The following PLEKHA5 variants were observed in gnomAD, a reference collection of about 807,000 sequenced individuals.
The protein encoded by PLEKHA5 is pleckstrin homology domain-containing family A member 5.
A neutral mutation model predicts 181.9 loss-of-function variants in PLEKHA5; 55 were observed. The observed-to-expected ratio is 0.30, with a 90% confidence interval of 0.24 to 0.38. PLEKHA5 has a LOEUF of 0.38. PLEKHA5 is among the 10% of genes least tolerant of loss of function. The probability of loss-of-function intolerance (pLI) is 1.00; values close to 1 mark genes in which losing one functional copy is unlikely to be tolerated. For synonymous variants in PLEKHA5, 535 were observed against 529.4 expected (o/e 1.01, Z -0.15); for missense variants, 1,432 against 1,549.5 (o/e 0.92, Z 1.27).
chr12:19,369,380 T>A (rs2095519832), intron 30 of PLEKHA5, among the ~76,000 whole-genome samples: 1 of 151,928 alleles, frequency 6.6e-6, no homozygotes, highest in South Asian at 2.1e-4. Flanking sequence ...TATTTTATAC[T>A]GAATAATTAG....
intron 24 of PLEKHA5, 81 bp downstream of exon 24, chr12:19,347,263 CT>C (rs1289393429): frequency 6.9e-4 from 555 of 807,406 alleles, no homozygotes; most frequent in South Asian, 1.4e-3. Flanking sequence ...TACACTCAAA[CT>C]TTTTTTTTAT....
intron 8 of PLEKHA5, among the ~76,000 whole-genome samples, chr12:19,266,251 A>T: frequency 6.6e-6 from 1 of 151,470 alleles, no homozygotes; most frequent in East Asian, 1.9e-4. Flanking sequence ...AGGTGGGAGG[A>T]TCACTTGAGT....
chr12:19,322,575 A>G lies in PLEKHA5; in HGVS notation c.2356A>G (p.Asn786Asp). Reference sequence around the variant, plus strand: ...CCAAGAGATAGAAATGCATGCAGATAACCCAGCAGCCATTCAGACAGTGGT... The same window carrying G: ...CCAAGAGATAGAAATGCATGCAGATGACCCAGCAGCCATTCAGACAGTGGT... ...ASQEIEMHADNPAAIQTVVLQ... is the reference protein window; with the variant it reads ...ASQEIEMHADDPAAIQTVVLQ... The change falls in exon 20 of 32, where the codon AAC becomes GAC. Residue 786 changes from asparagine (N) to aspartate (D), a missense_variant. Around this residue, in one of 2 missense-constraint regions of PLEKHA5, gnomAD observed 1,143 missense variants for 1,168.4 expected, o/e 0.98. Transcript: ENST00000429027. The G allele has an allele frequency of 6.2e-7, 1 of 1,613,886 alleles. No homozygotes were observed. Among genetic ancestry groups the G allele is most frequent in the Non-Finnish European group, 8.5e-7 (1 of 1,179,734 alleles).
intron 26 of PLEKHA5, among the ~76,000 whole-genome samples, chr12:19,355,513 G>A (rs981523147): frequency 2.0e-5 from 3 of 151,402 alleles, no homozygotes; most frequent in African/African-American, 4.9e-5. Context: ...CACCATACTC[G>A]GCTAAATTTT....
intron 24 of PLEKHA5, among the ~76,000 whole-genome samples, chr12:19,347,910 G>A (rs553984349): frequency 1.4e-3 from 205 of 145,974 alleles, no homozygotes; most frequent in Middle Eastern, 3.7e-3. Context: ...TTTGAGACAG[G>A]GTCTCACTCT....
intron 15 of PLEKHA5, among the ~76,000 whole-genome samples, chr12:19,312,509 C>A (rs7957984): frequency 6.6e-6 from 1 of 152,076 alleles, no homozygotes; most frequent in East Asian, 1.9e-4. Context: ...GCTGCTTCAC[C>A]TTGCACTTAC....
intron 3 of PLEKHA5, among the ~76,000 whole-genome samples, chr12:19,182,942 C>T (rs2048944765): frequency 6.6e-6 from 1 of 152,102 alleles, no homozygotes; most frequent in African/African-American, 2.4e-5. Flanking sequence ...AAACGTCCCA[C>T]AAAACAAAGC....
chr12:19,335,772 C>T (rs1409062295), intron 20 of PLEKHA5, among the ~76,000 whole-genome samples: 4 of 151,888 alleles, frequency 2.6e-5, no homozygotes, highest in Non-Finnish European at 4.4e-5. Flanking sequence ...GCTAGGACCA[C>T]AGGCACAAGT....
chr12:19,298,655 C>A lies in PLEKHA5; in HGVS notation c.2037+6958C>A, dbSNP rs187981477. On this transcript the variant is annotated intron_variant, in intron 15 of 31. Transcript: ENST00000429027. The stretch of plus-strand genomic sequence containing the variant: ...AAGTGCTGGGATTACAGGTGTAAGC[C>A]ACCGCGCCTGGCCCAAAGCTTGTCA... Among the ~76,000 whole-genome samples, 307 of 152,026 alleles carry A rather than the reference C, an allele frequency of 2.0e-3. 1 individual carries two copies. Among genetic ancestry groups the A allele is most frequent in the Non-Finnish European group, 3.3e-3 (227 of 67,986 alleles).
intron 25 of PLEKHA5, among the ~76,000 whole-genome samples, chr12:19,349,706 A>ACAACAACAG (rs1241062174): frequency 6.6e-6 from 1 of 151,768 alleles, no homozygotes; most frequent in East Asian, 1.9e-4. Context: ...CAGGAGATCA[A>ACAACAACAG]CAACAACAGC....
At chr12:19,132,950 C>G (rs949742669) in intron 3 of PLEKHA5, among the ~76,000 whole-genome samples, 49 of 134,566 alleles carry the variant, frequency 3.6e-4, no homozygotes, top group African/African-American at 1.3e-3. Context: ...TTTTAGTGAA[C>G]CTTGTTCATG....
intron 3 of PLEKHA5, among the ~76,000 whole-genome samples, chr12:19,239,268 C>T (rs2062001974): frequency 6.6e-6 from 1 of 152,114 alleles, no homozygotes; most frequent in South Asian, 2.1e-4. Context: ...GCATGCCCTG[C>T]GTTGTACTCT....
In PLEKHA5 at chr12:19,184,609, T is replaced by A. The variant is rs759476920; in HGVS notation, c.227+52159T>A. Among the ~76,000 whole-genome samples, 8 of 152,216 alleles carry A rather than the reference T, an allele frequency of 5.3e-5. 1 individual carries two copies. Among genetic ancestry groups the A allele is most frequent in the Non-Finnish European group, 1.0e-4 (7 of 68,024 alleles). On this transcript the variant is annotated intron_variant, in intron 3 of 31. Coordinates refer to ENST00000429027, the MANE Select transcript of PLEKHA5 (RefSeq NM_001256470.2). ...AAGGAAGTCTTCATGGAAGACAGAA[T>A]GTCTGAATGATCAGATCATTTCACA...
chr12:19,366,166 T>G, intron 30 of PLEKHA5, 57 bp downstream of exon 30: 1 of 1,376,118 alleles, frequency 7.3e-7, no homozygotes, highest in Non-Finnish European at 1.0e-6. Context: ...ACTTCTAAAT[T>G]TATTTTCCAT....
chr12:19,197,183 G>T (rs1055199894), intron 3 of PLEKHA5, among the ~76,000 whole-genome samples: 11 of 152,038 alleles, frequency 7.2e-5, no homozygotes, highest in African/African-American at 2.7e-4. Context: ...CTTTTCTCCT[G>T]ACTTCTATGA....
At chr12:19,203,936 C>G (rs890287510) in intron 3 of PLEKHA5, among the ~76,000 whole-genome samples, 2 of 152,050 alleles carry the variant, frequency 1.3e-5, no homozygotes, top group African/African-American at 2.4e-5. Flanking sequence ...GTAACTTACT[C>G]TTTCTACAGA....
intron 11 of PLEKHA5, among the ~76,000 whole-genome samples, chr12:19,279,220 C>G (rs760287172): frequency 6.6e-6 from 1 of 152,004 alleles, no homozygotes; most frequent in Non-Finnish European, 1.5e-5. Flanking sequence ...AAATAATATT[C>G]ATATCGTGGC....
At chr12:19,301,887 C>G (rs1211493710) in intron 15 of PLEKHA5, among the ~76,000 whole-genome samples, 1 of 152,160 alleles carries the variant, frequency 6.6e-6, no homozygotes, top group African/African-American at 2.4e-5. Context: ...GTAGCATACC[C>G]TTCAATCTCA....
At position 19,361,714 on chromosome 12, in the gene PLEKHA5, T is replaced by G. The variant is rs1345782874; in HGVS notation, c.3608+8T>G. ...TGAGGATGTTACATTCAGGTAATAT[T>G]TAAGAAAAGCAAAGGAATCATTCAC... On this transcript the variant is annotated splice_region_variant and intron_variant, in intron 29 of 31. Coordinates refer to ENST00000429027, the MANE Select transcript of PLEKHA5 (RefSeq NM_001256470.2). 3.8e-6 allele frequency: 6 copies of G among 1,588,402 alleles called. No individual in the cohort carries two copies. Among genetic ancestry groups the G allele is most frequent in the Non-Finnish European group, 5.1e-6 (6 of 1,168,294 alleles).
Sources: allele counts gnomAD v4.1 joint callset (sites outside exome capture counted in the v4.1 genomes callset), GRCh38; gene constraint gnomAD v4.1.1; regional missense constraint gnomAD v4.1.1; transcripts MANE v1.5; gene names NCBI Gene and HGNC (gene_info 2026-07-23, HGNC 2026-07-21).